Variants in EYS observed in about 807,000 individuals in gnomAD.
EYS encodes protein eyes shut homolog.
EYS carries 250 observed loss-of-function variants against 282.1 expected under a neutral mutation model. The observed-to-expected ratio is 0.89, with a 90% confidence interval of 0.80 to 0.98. The LOEUF (loss-of-function observed/expected upper bound fraction) is 0.98, where lower values mean the gene tolerates loss of function less well. Among genes scored for constraint, EYS ranks in the 50% least tolerant of loss-of-function variants. EYS has a pLI of 0.00. For synonymous variants in EYS, 1,355 were observed against 1,282.9 expected, an observed-to-expected ratio of 1.06 and a Z score of -1.20; for missense variants, 4,016 against 3,709.0, an observed-to-expected ratio of 1.08 and a Z score of -2.15.
chr6:64,271,907 T>A (rs1767954709), intron 30 of EYS, among the ~76,000 whole-genome samples: 1 of 152,164 alleles, frequency 6.6e-6, no homozygotes, highest in Non-Finnish European at 1.5e-5. Context: ...TGGCGTGATC[T>A]CAGCTCACTG....
chr6:64,420,312 T>A (rs567841605), intron 28 of EYS, among the ~76,000 whole-genome samples: 1 of 152,260 alleles, frequency 6.6e-6, no homozygotes, highest in African/African-American at 2.4e-5. Flanking sequence ...GCCTGGCCTA[T>A]GAACCATATT....
chr6:64,189,047 A>G (rs1314666998), intron 31 of EYS, among the ~76,000 whole-genome samples: 1 of 152,192 alleles, frequency 6.6e-6, no homozygotes, highest in Non-Finnish European at 1.5e-5. Flanking sequence ...GAAAAACTCT[A>G]AAACTGAATG....
intron 35 of EYS, among the ~76,000 whole-genome samples, chr6:63,885,957 C>T (rs893940162): frequency 5.3e-5 from 8 of 152,168 alleles, no homozygotes; most frequent in Non-Finnish European, 1.0e-4. Context: ...CAATAAACGA[C>T]TGACTGACAG....
chr6:65,440,506 A>C (rs1169466249), intron 5 of EYS, among the ~76,000 whole-genome samples: 1 of 151,888 alleles, frequency 6.6e-6, no homozygotes, highest in African/African-American at 2.4e-5. Context: ...TATCAAGAAA[A>C]AAATCCCAGA....
In EYS at chr6:64,379,575, T is replaced by C. The variant is rs181572677; in HGVS notation, c.6078+9115A>G. 2.7e-3 allele frequency: 405 copies of C among 152,252 alleles called. 2 individuals carry two copies. The highest frequency in any genetic ancestry group is 9.0e-3 in the African/African-American group (373 of 41,558). 9.4% of individuals were successfully genotyped at this position (152,252 alleles called of 1,614,324 possible). Reference sequence around the variant, plus strand: ...TTATTATATGGTTTTGTTGATTTGTTTTTGTTAGTTTTAAAATGAAAAGCC... The same window carrying C: ...TTATTATATGGTTTTGTTGATTTGTCTTTGTTAGTTTTAAAATGAAAAGCC... On this transcript the variant is annotated intron_variant, in intron 29 of 42. Coordinates refer to ENST00000503581, the MANE Select transcript of EYS (RefSeq NM_001142800.2).
intron 35 of EYS, among the ~76,000 whole-genome samples, chr6:63,978,688 G>C (rs114914824): frequency 6.6e-6 from 1 of 152,004 alleles, no homozygotes; most frequent in Non-Finnish European, 1.5e-5. Context: ...TTGTGTGAGG[G>C]ATTGCAACTT....
chr6:65,384,945 G>T (rs1765745881), intron 7 of EYS, among the ~76,000 whole-genome samples: 1 of 151,844 alleles, frequency 6.6e-6, no homozygotes, highest in African/African-American at 2.4e-5. Flanking sequence ...TCTAGTTATA[G>T]TTGGGCTACT....
At chr6:65,666,070 CT>C (rs554729212) in intron 1 of EYS, among the ~76,000 whole-genome samples, 3,291 of 142,476 alleles carry the variant, frequency 0.023, 34 homozygotes, top group African/African-American at 0.041. Context: ...CAATTCAAAT[CT>C]TTTTTTTTTT....
chr6:65,306,896 G>A (rs1384084303), intron 11 of EYS, among the ~76,000 whole-genome samples: 339 of 129,702 alleles, frequency 2.6e-3, no homozygotes, highest in African/African-American at 9.3e-3. Flanking sequence ...CCTCTGGAAA[G>A]CCGAATTTTG....
chr6:64,144,302 G>A (rs937004708), intron 31 of EYS, among the ~76,000 whole-genome samples: 1 of 152,108 alleles, frequency 6.6e-6, no homozygotes, highest in Non-Finnish European at 1.5e-5. Context: ...TTCACTTTTT[G>A]AGATTAAGAA....
intron 2 of EYS, among the ~76,000 whole-genome samples, chr6:65,531,002 G>C (rs1363941667): frequency 6.6e-6 from 1 of 152,026 alleles, no homozygotes; most frequent in African/African-American, 2.4e-5. Context: ...AATAGTAATA[G>C]ATTAAAGAAT....
chr6:64,064,997 G>T (rs1283944487), intron 33 of EYS, among the ~76,000 whole-genome samples: 2 of 152,080 alleles, frequency 1.3e-5, no homozygotes, highest in African/African-American at 2.4e-5. Flanking sequence ...TACAAATAAT[G>T]ATTTCATTAC....
chr6:63,964,054 T>C (rs1766196320), intron 35 of EYS, among the ~76,000 whole-genome samples: 1 of 152,220 alleles, frequency 6.6e-6, no homozygotes, highest in African/African-American at 2.4e-5. Context: ...AATATTGTTC[T>C]ACCTTTGGGC....
chr6:64,569,842 G>A (rs2149816568), intron 26 of EYS, among the ~76,000 whole-genome samples: 1 of 152,292 alleles, frequency 6.6e-6, no homozygotes, highest in African/African-American at 2.4e-5. Context: ...AAAGTGAGGG[G>A]GAGAATGGAA....
chr6:64,563,911 A>G lies in EYS; in HGVS notation c.5644+26312T>C, dbSNP rs141768237. ...CTACCAGTTTTTATTTTTAAAATTT[A>G]TAATTTTCTATTTATTTCTTATAAA... On this transcript the variant is annotated intron_variant, in intron 26 of 42. Coordinates refer to ENST00000503581, the MANE Select transcript of EYS (RefSeq NM_001142800.2). Among the ~76,000 whole-genome samples, 463 of 152,114 alleles carry G rather than the reference A, an allele frequency of 3.0e-3. 1 individual carries two copies. The highest frequency in any genetic ancestry group is 0.01 in the African/African-American group (416 of 41,578).
intron 15 of EYS, among the ~76,000 whole-genome samples, chr6:64,944,890 C>T (rs1014118848): frequency 6.6e-6 from 1 of 152,020 alleles, no homozygotes; most frequent in African/African-American, 2.4e-5. Flanking sequence ...ATAAATCTGG[C>T]TTATGTGCAT....
chr6:64,573,056 G>A (rs973197278), intron 26 of EYS, among the ~76,000 whole-genome samples: 6 of 152,066 alleles, frequency 3.9e-5, no homozygotes, highest in Non-Finnish European at 1.5e-5. Flanking sequence ...AAACAGCATG[G>A]GACTGGCACC....
At chr6:65,026,966 T>C (rs1210983038) in intron 13 of EYS, among the ~76,000 whole-genome samples, 1 of 149,940 alleles carries the variant, frequency 6.7e-6, no homozygotes, top group African/African-American at 2.4e-5. Context: ...AGTCAAAAAG[T>C]CACCACATGA....
At chr6:64,937,855 A>T (rs1213969435) in intron 15 of EYS, among the ~76,000 whole-genome samples, 1 of 151,734 alleles carries the variant, frequency 6.6e-6, no homozygotes, top group Non-Finnish European at 1.5e-5. Flanking sequence ...TATTCATAAT[A>T]GTCAAAAAGT....
Sources: allele counts gnomAD v4.1 joint callset (sites outside exome capture counted in the v4.1 genomes callset), GRCh38; gene constraint gnomAD v4.1.1; transcripts MANE v1.5; gene names NCBI Gene and HGNC (gene_info 2026-07-23, HGNC 2026-07-21).